Variants in BIRC6 observed in about 807,000 individuals in gnomAD.
BIRC6 encodes dual E2 ubiquitin-conjugating enzyme/E3 ubiquitin-protein ligase BIRC6.
Under a neutral mutation model 503.3 loss-of-function variants are expected in BIRC6, and 98 were observed. The observed-to-expected ratio is 0.19, with a 90% CI of 0.17 to 0.23. The LOEUF (loss-of-function observed/expected upper bound fraction) is 0.23. BIRC6 is among the 10% of genes least tolerant of loss of function. The pLI is 1.00. For missense variants in BIRC6, 5,360 were observed against 5,806.0 expected, an observed-to-expected ratio of 0.92 and a Z score of 2.50; for synonymous variants, 2,240 against 2,078.7, an observed-to-expected ratio of 1.08 and a Z score of -2.11.
At chr2:32,416,773 TCCTTTC>T (rs149050716) in intron 10 of BIRC6, among the ~76,000 whole-genome samples, 4,612 of 151,328 alleles carry the variant, frequency 0.03, 180 homozygotes, top group African/African-American at 0.09. Context: ...CTTTTCCTTT[TCCTTTC>T]CCCTTTCCCC....
At chr2:32,540,520 G>A (rs180989605) in intron 61 of BIRC6, among the ~76,000 whole-genome samples, 1 of 151,850 alleles carries the variant, frequency 6.6e-6, no homozygotes, top group African/African-American at 2.4e-5. Context: ...TGTTAATTGA[G>A]CAAAAAGCAT....
chr2:32,542,689 T>C (rs556345637), intron 61 of BIRC6, among the ~76,000 whole-genome samples: 1 of 152,360 alleles, frequency 6.6e-6, no homozygotes, highest in East Asian at 1.9e-4. Flanking sequence ...CTCAAGAATC[T>C]GCATATAGAT....
rs140307294 is a variant in BIRC6 at position 32,520,261 on chromosome 2, T to C, written c.11623+1315T>C. 1.1e-4 allele frequency among the ~76,000 whole-genome samples: 17 copies of C among 152,334 alleles called. 1 individual carries two copies. In the East Asian group the frequency reaches 3.3e-3, roughly 29 times the overall value. On this transcript the variant is annotated intron_variant, in intron 57 of 73. Coordinates refer to ENST00000421745, the MANE Select transcript of BIRC6 (RefSeq NM_016252.4). ...AAACCATGTGAATGGATATAATCAT[T>C]ATAGGTAGGAAAGATTGTTTTCTGC...
chr2:32,439,290 A>G (rs1574215923), intron 15 of BIRC6, among the ~76,000 whole-genome samples: 1 of 152,172 alleles, frequency 6.6e-6, no homozygotes, highest in Admixed American at 6.5e-5. Context: ...GTCAAAGATA[A>G]TGGTTTTATG....
At chr2:32,575,453 T>TA in intron 66 of BIRC6, 87 bp downstream of exon 66, 2 of 1,295,900 alleles carry the variant, frequency 1.5e-6, no homozygotes, top group East Asian at 2.3e-5. Context: ...TTTTCAGTGA[T>TA]ATGTGCTTTT....
chr2:32,504,034 T>TG lies in BIRC6; in HGVS notation c.9499+798_9499+799insG, dbSNP rs2053513911. 9.5e-4 allele frequency among the ~76,000 whole-genome samples: 74 copies of TG among 78,250 alleles called. 1 individual carries two copies. Among genetic ancestry groups the TG allele is most frequent in the Non-Finnish European group, 1.4e-3 (61 of 42,972 alleles). The allele number at this position is 78,250 out of a possible 152,430, so 51.3% of individuals were successfully genotyped here. A position where few individuals can be genotyped will look rare whatever the true frequency, so the allele number is the denominator to read the frequency against. ...ACTGGGGCGGGGGGTGGGGGGGTGT[T>TG]TGTGTGTGTGTGTGTGTGTGTGTGT... On this transcript the variant is annotated intron_variant, in intron 49 of 73. Transcript: ENST00000421745.
chr2:32,421,247 C>T (rs2042928929), intron 10 of BIRC6, among the ~76,000 whole-genome samples: 1 of 151,786 alleles, frequency 6.6e-6, no homozygotes, highest in South Asian at 2.1e-4. Context: ...GCTGGGACTA[C>T]AGGCCCGAGC....
Position 32,357,483 on chromosome 2 carries a change from A to T in BIRC6, c.322A>T (p.Ser108Cys), listed in dbSNP as rs764814191. The change falls in exon 1 of 74, where the codon AGT (serine) becomes TGT (cysteine). Residue 108 changes from serine (S) to cysteine (C), a missense_variant. Ser to Cys is a moderately radical substitution (Grantham distance 112). Coordinates refer to ENST00000421745, the MANE Select transcript of BIRC6 (RefSeq NM_016252.4). The surrounding 1 kb of genome is among the most constrained non-coding windows in gnomAD (Gnocchi z 4.9). ...SGATLQASAL[S>C]AKPGGQVKCQ... The stretch of plus-strand genomic sequence containing the variant: ...GGCCACACTGCAGGCCTCCGCGCTC[A>T]GTGGTGAGTCTTCCGCACGCCGGGC... 6.5e-7 allele frequency: 1 copy of T among 1,546,602 alleles called. No homozygotes were observed.
At chr2:32,418,914 CT>C (rs1183126759) in intron 10 of BIRC6, among the ~76,000 whole-genome samples, 7 of 152,284 alleles carry the variant, frequency 4.6e-5, no homozygotes, top group Non-Finnish European at 8.8e-5. Context: ...CGTCACTTCA[CT>C]CCAGCCTAGG....
chr2:32,449,616 A>G (rs1439270457), intron 22 of BIRC6, among the ~76,000 whole-genome samples: 1 of 152,198 alleles, frequency 6.6e-6, no homozygotes, highest in Non-Finnish European at 1.5e-5. Flanking sequence ...GGTAATAACC[A>G]GATATAAGTA....
chr2:32,585,472 C>T (rs2060966281), intron 66 of BIRC6, among the ~76,000 whole-genome samples: 1 of 152,008 alleles, frequency 6.6e-6, no homozygotes, highest in African/African-American at 2.4e-5. Flanking sequence ...CTCCGCCTCC[C>T]AGGTTCAAGT....
In BIRC6 at chr2:32,357,074, C is replaced by A. The variant is rs932182517; in HGVS notation, c.-88C>A. 1.6e-5 allele frequency: 20 copies of A among 1,215,432 alleles called. No homozygotes were observed. Among genetic ancestry groups the A allele is most frequent in the Non-Finnish European group, 2.2e-5 (20 of 918,224 alleles). The allele number at this position is 1,215,432 out of a possible 1,614,324, so 75.3% of individuals were successfully genotyped here. A position where few individuals can be genotyped will look rare whatever the true frequency, so the allele number is the denominator to read the frequency against. Reference sequence around the variant, plus strand: ...CGTCAGCCTCCCTCCGAGTTTGGCCCCTCCGGCCGGGCGATCGACGTTCCG... The same window carrying A: ...CGTCAGCCTCCCTCCGAGTTTGGCCACTCCGGCCGGGCGATCGACGTTCCG... On this transcript the variant is annotated 5_prime_UTR_variant, in exon 1 of 74. Transcript: ENST00000421745. This position sits in a 1 kb window ranked among gnomAD's most constrained non-coding sequence, Gnocchi z 4.9.
chr2:32,464,445 G>T, intron 24 of BIRC6, 64 bp from the exon 25 acceptor site: 1 of 1,460,552 alleles, frequency 6.8e-7, no homozygotes, highest in Non-Finnish European at 9.1e-7. Context: ...TGTCCATGTG[G>T]TATTCTGCCA....
At chr2:32,455,266 G>A (rs1039998258) in intron 23 of BIRC6, among the ~76,000 whole-genome samples, 1 of 151,334 alleles carries the variant, frequency 6.6e-6, no homozygotes, top group Non-Finnish European at 1.5e-5. Flanking sequence ...TGTAGTCCCA[G>A]CTACTCAGGA....
At chr2:32,532,004 A>G in intron 61 of BIRC6, 1 of 442,662 alleles carries the variant, frequency 2.3e-6, no homozygotes, top group South Asian at 1.7e-5. Context: ...TTCATTTACG[A>G]AGCTGTCAAT....
intron 59 of BIRC6, among the ~76,000 whole-genome samples, chr2:32,526,153 G>A (rs553402982): frequency 3.9e-5 from 6 of 152,198 alleles, no homozygotes; most frequent in East Asian, 1.9e-4. Flanking sequence ...TTCCACATCC[G>A]ACCTCATATG....
In BIRC6 at chr2:32,357,072, C is replaced by A; in HGVS notation, c.-90C>A. 2 of 1,185,990 alleles carry A rather than the reference C, an allele frequency of 1.7e-6. No individual in the cohort carries two copies. Among genetic ancestry groups the A allele is most frequent in the Non-Finnish European group, 2.2e-6 (2 of 892,062 alleles). The allele number at this position is 1,185,990 out of a possible 1,614,324, so 73.5% of individuals were successfully genotyped here. On this transcript the variant is annotated 5_prime_UTR_variant, in exon 1 of 74. Coordinates refer to ENST00000421745, the MANE Select transcript of BIRC6 (RefSeq NM_016252.4). This position sits in a 1 kb window ranked among gnomAD's most constrained non-coding sequence, Gnocchi z 4.9. ...CCCGTCAGCCTCCCTCCGAGTTTGG[C>A]CCCTCCGGCCGGGCGATCGACGTTC...
Position 32,504,987 on chromosome 2 carries a change from G to T in BIRC6, c.9500-18G>T, listed in dbSNP as rs748860134. 6 of 1,594,582 alleles carry T rather than the reference G, an allele frequency of 3.8e-6. No individual in the cohort carries two copies. The highest frequency in any genetic ancestry group is 1.7e-4 in the Middle Eastern group (1 of 6,016). On this transcript the variant is annotated intron_variant, in intron 49 of 73. Transcript: ENST00000421745. ...TCTTTTGCAAGTTCTTATAATTTAT[G>T]TAAAATATCTTCTCTAGGTACAATC...
chr2:32,452,101 T>G (rs543476501), intron 22 of BIRC6, among the ~76,000 whole-genome samples: 11 of 152,332 alleles, frequency 7.2e-5, no homozygotes, highest in Admixed American at 6.5e-4. Flanking sequence ...TTGTCAAGTT[T>G]TTGAATATGC....
Sources: gnomAD v4.1 joint callset for allele counts (sites outside exome capture counted in the v4.1 genomes callset) on GRCh38, gnomAD v4.1.1 for gene constraint, Gnocchi (gnomAD v3.1) non-coding constraint, MANE v1.5 for transcripts, NCBI Gene and HGNC (gene_info 2026-07-23, HGNC 2026-07-21) for gene names.